Variants in RBFOX1 observed in about 807,000 individuals in gnomAD.
The protein encoded by RBFOX1 is RNA binding fox-1 homolog 1, also known as RNA binding protein fox-1 homolog 1.
A neutral mutation model predicts 57.7 loss-of-function variants in RBFOX1; 8 were observed. The ratio of observed to expected loss-of-function variants is 0.14; its 90% CI spans 0.08 to 0.25. The LOEUF is 0.25. RBFOX1 is among the 10% of genes least tolerant of loss of function. The pLI, the probability that RBFOX1 is intolerant of heterozygous loss-of-function variation, is 1.00. For synonymous variants in RBFOX1, 326 were observed against 222.4 expected, an observed-to-expected ratio of 1.47 and a Z score of -4.15; for missense variants, 611 against 548.5, an observed-to-expected ratio of 1.11 and a Z score of -1.14.
rs781087903 is a variant in RBFOX1, at chr16:6,750,029, T to C, written c.-16+95379T>C. ...CTAGCAGTCTTGGGTTGGAAAGTCA[T>C]CTTTGAAATTGATGTAGCTATCAAC... is the stretch of plus-strand genomic sequence containing the variant. On this transcript the variant is annotated intron_variant, in intron 3 of 15. Transcript: ENST00000550418. Among the ~76,000 whole-genome samples, 84 of 152,174 alleles carry C rather than the reference T, an allele frequency of 5.5e-4. 2 individuals are homozygous for C. The highest frequency in any genetic ancestry group is 2.6e-4 in the Admixed American group (4 of 15,276).
intron 3 of RBFOX1, among the ~76,000 whole-genome samples, chr16:5,750,718 G>T (rs537577598): frequency 2.5e-4 from 38 of 152,302 alleles, no homozygotes; most frequent in African/African-American, 9.1e-4. Context: ...TTGGAAAAGT[G>T]CAGTATTAGG....
intron 3 of RBFOX1, among the ~76,000 whole-genome samples, chr16:5,690,114 G>A (rs2050627962): frequency 6.6e-6 from 1 of 152,206 alleles, no homozygotes. Context: ...AGGTCATCCT[G>A]GTTAAGACGC....
intron 1 of RBFOX1, among the ~76,000 whole-genome samples, chr16:6,122,846 C>G (rs1203181513): frequency 6.8e-6 from 1 of 146,104 alleles, no homozygotes; most frequent in Non-Finnish European, 1.5e-5. Flanking sequence ...AATATACTCT[C>G]TGATTAAAGC....
rs954231950 is a variant in RBFOX1, at chr16:7,654,079, C to T, written c.890+132C>T. 28 of 908,202 alleles carry T rather than the reference C, an allele frequency of 3.1e-5. No individual in the cohort carries two copies. The East Asian group carries it at 7.1e-4, about 23-fold the overall frequency. 56.3% of individuals were successfully genotyped at this position (908,202 alleles called of 1,614,324 possible). The stretch of plus-strand genomic sequence containing the variant: ...CCCCAGAACCGCCCCCAGCATGCAG[C>T]CCGGCCGCGCACCTGCAGTGGAGCA... On this transcript the variant is annotated intron_variant, in intron 12 of 15. Transcript: ENST00000550418.
chr16:5,929,291 C>G (rs897663206), intron 4 of RBFOX1, among the ~76,000 whole-genome samples: 3 of 152,098 alleles, frequency 2.0e-5, no homozygotes, highest in Admixed American at 1.3e-4. Context: ...CTTACTTAGG[C>G]TCACCTTCAA....
intron 1 of RBFOX1, among the ~76,000 whole-genome samples, chr16:6,194,174 A>T (rs1443563279): frequency 3.3e-5 from 5 of 151,960 alleles, no homozygotes; most frequent in Non-Finnish European, 7.4e-5. Flanking sequence ...CAGTTTAGAA[A>T]CTTGTTGTTC....
chr16:6,454,348 G>A (rs1024014554), intron 2 of RBFOX1, among the ~76,000 whole-genome samples: 1 of 152,100 alleles, frequency 6.6e-6, no homozygotes, highest in Non-Finnish European at 1.5e-5. Context: ...CTTAAGCCCA[G>A]GAGTTTAAGA....
intron 1 of RBFOX1, among the ~76,000 whole-genome samples, chr16:5,339,006 C>CT (rs111547106): frequency 4.7e-4 from 70 of 148,626 alleles, no homozygotes; most frequent in South Asian, 3.0e-3. Flanking sequence ...AATTACCTCA[C>CT]TTTTTTTTTT....
intron 4 of RBFOX1, among the ~76,000 whole-genome samples, chr16:7,500,732 C>T (rs1265884164): frequency 2.6e-5 from 4 of 152,142 alleles, no homozygotes; most frequent in South Asian, 2.1e-4. Context: ...AGGCTTAAAA[C>T]GATTATGTTT....
Position 7,239,338 on chromosome 16 carries a change from A to G in RBFOX1, c.27+187240A>G, listed in dbSNP as rs565336549. On this transcript the variant is annotated intron_variant, in intron 4 of 15. Coordinates refer to ENST00000550418, the MANE Select transcript of RBFOX1 (RefSeq NM_018723.4). The stretch of plus-strand genomic sequence containing the variant: ...ACATGGTGAAATCCCATGTCTACTA[A>G]AAGTACAAAAATTAGCCAGGCGTGG... Among the ~76,000 whole-genome samples the G allele has an allele frequency of 4.6e-5, 7 of 152,138 alleles. No individual in the cohort carries two copies. In the East Asian group the frequency reaches 1.4e-3, roughly 30 times the overall value.
intron 3 of RBFOX1, among the ~76,000 whole-genome samples, chr16:5,800,587 G>A (rs1273453178): frequency 2.0e-5 from 3 of 152,116 alleles, no homozygotes; most frequent in Non-Finnish European, 4.4e-5. Flanking sequence ...TGGAGGACAC[G>A]GGATGGTGAA....
chr16:6,714,946 A>G (rs1180135565), intron 3 of RBFOX1, among the ~76,000 whole-genome samples: 1 of 152,208 alleles, frequency 6.6e-6, no homozygotes, highest in Non-Finnish European at 1.5e-5. Flanking sequence ...CTTAAGTTGT[A>G]GAGGCACCTT....
chr16:6,100,464 C>T (rs760107609), intron 1 of RBFOX1, among the ~76,000 whole-genome samples: 8 of 152,272 alleles, frequency 5.3e-5, no homozygotes, highest in African/African-American at 9.6e-5. Flanking sequence ...GCCCGGCCGG[C>T]TTATTGCTTT....
At chr16:5,780,504 C>T (rs1042613579) in intron 3 of RBFOX1, among the ~76,000 whole-genome samples, 1 of 151,988 alleles carries the variant, frequency 6.6e-6, no homozygotes, top group African/African-American at 2.4e-5. Context: ...CGTTGTATAC[C>T]ATAGATATAT....
At chr16:6,926,131 C>T (rs1260096925) in intron 3 of RBFOX1, among the ~76,000 whole-genome samples, 1 of 151,882 alleles carries the variant, frequency 6.6e-6, no homozygotes, top group Non-Finnish European at 1.5e-5. Flanking sequence ...CATGATGAAA[C>T]CCTGTCTCTA....
rs141454777 is a variant in RBFOX1, at chr16:6,756,254, A to G, written c.-16+101604A>G. Among the ~76,000 whole-genome samples the G allele has an allele frequency of 1.9e-4, 29 of 152,268 alleles. 1 individual carries two copies. The East Asian group carries it at 5.0e-3, about 26-fold the overall frequency. On this transcript the variant is annotated intron_variant, in intron 3 of 15. Coordinates refer to ENST00000550418, the MANE Select transcript of RBFOX1 (RefSeq NM_018723.4). ...CCCTCTTCAATAAGTAGTGCTGGGA[A>G]AAAAATGGATATCCGTATGTAGAAG...
At chr16:7,634,274 A>C (rs2061418997) in intron 11 of RBFOX1, among the ~76,000 whole-genome samples, 2 of 151,824 alleles carry the variant, frequency 1.3e-5, no homozygotes, top group African/African-American at 2.4e-5. Context: ...TGTAAATTAC[A>C]CTTTTGTATG....
rs1057079755 is a variant in RBFOX1 at position 6,093,620 on chromosome 16, T to C, written c.-127+73628T>C. Among the ~76,000 whole-genome samples the C allele has an allele frequency of 2.6e-5, 4 of 152,144 alleles. No individual in the cohort carries two copies. The South Asian group carries it at 8.3e-4, about 32-fold the overall frequency. On this transcript the variant is annotated intron_variant, in intron 1 of 15. Coordinates refer to ENST00000550418, the MANE Select transcript of RBFOX1 (RefSeq NM_018723.4). ...ATGGGACGGTCTGTGAATTCTGTAATCTTTTCCTTTTCTTTTCTTGCAGCA... is the reference window on the plus strand; with the variant it reads ...ATGGGACGGTCTGTGAATTCTGTAACCTTTTCCTTTTCTTTTCTTGCAGCA...
chr16:6,842,287 A>G (rs2093516633), intron 3 of RBFOX1, among the ~76,000 whole-genome samples: 2 of 151,326 alleles, frequency 1.3e-5, no homozygotes, highest in Admixed American at 6.6e-5. Flanking sequence ...AGGAAATAAA[A>G]ACAACTTTCT....
Sources: gnomAD v4.1 joint callset for allele counts (sites outside exome capture counted in the v4.1 genomes callset) on GRCh38, gnomAD v4.1.1 for gene constraint, MANE v1.5 for transcripts, NCBI Gene and HGNC (gene_info 2026-07-23, HGNC 2026-07-21) for gene names.